JAZF1: variants seen among roughly 807,000 people sequenced by gnomAD.
JAZF1 encodes juxtaposed with another zinc finger protein 1.
A neutral mutation model predicts 26.4 loss-of-function variants in JAZF1; 8 were observed. The ratio of observed to expected loss-of-function variants is 0.30; its 90% CI spans 0.18 to 0.55. The LOEUF is 0.55. JAZF1 is among the 20% of genes least tolerant of loss of function. JAZF1 has a pLI of 0.94. For missense variants in JAZF1, 199 were observed against 322.0 expected (o/e 0.62, Z 2.92); for synonymous variants, 126 against 122.3 (o/e 1.03, Z -0.20).
intron 1 of JAZF1, among the ~76,000 whole-genome samples, chr7:28,057,048 A>G (rs1477335327): frequency 1.3e-5 from 2 of 152,152 alleles, no homozygotes; most frequent in Non-Finnish European, 2.9e-5. Context: ...ATTTCTCCAT[A>G]ATAGAAAGTA....
intron 1 of JAZF1, among the ~76,000 whole-genome samples, chr7:28,128,006 G>A (rs1352396453): frequency 1.3e-5 from 2 of 152,010 alleles, no homozygotes; most frequent in Admixed American, 6.6e-5. Flanking sequence ...GGGTGGGGAC[G>A]CAGCCAAACC....
intron 3 of JAZF1, among the ~76,000 whole-genome samples, chr7:27,855,891 A>G (rs942234581): frequency 3.3e-5 from 5 of 152,122 alleles, no homozygotes; most frequent in African/African-American, 1.2e-4. Flanking sequence ...GATACCAAAA[A>G]CCAGCAGAGA....
chr7:28,000,362 G>A (rs1377525186), intron 1 of JAZF1, among the ~76,000 whole-genome samples: 1 of 152,158 alleles, frequency 6.6e-6, no homozygotes, highest in South Asian at 2.1e-4. Flanking sequence ...ACGCAGAGTA[G>A]CGCCTACAAC....
chr7:27,919,100 A>T (rs1784487163), intron 2 of JAZF1, among the ~76,000 whole-genome samples: 2 of 152,208 alleles, frequency 1.3e-5, no homozygotes, highest in Non-Finnish European at 2.9e-5. Context: ...TAGCACTGAA[A>T]CACAGGTCCT....
In JAZF1 at chr7:27,904,279, G is replaced by T. The variant is rs576569169; in HGVS notation, c.189-8863C>A. Among the ~76,000 whole-genome samples, 202 of 152,330 alleles carry T rather than the reference G, an allele frequency of 1.3e-3. 2 individuals are homozygous for T. The highest frequency in any genetic ancestry group is 0.011 in the South Asian group (54 of 4,816). On this transcript the variant is annotated intron_variant, in intron 2 of 4. Coordinates refer to ENST00000283928, the MANE Select transcript of JAZF1 (RefSeq NM_175061.4). ...TGGCTGCTCTAGGTCTCAATGTAATGATGGCTTTCAGAACGTACATCTGCT... is the reference window on the plus strand; with the variant it reads ...TGGCTGCTCTAGGTCTCAATGTAATTATGGCTTTCAGAACGTACATCTGCT...
intron 2 of JAZF1, among the ~76,000 whole-genome samples, chr7:27,953,549 G>C (rs1785044240): frequency 6.6e-6 from 1 of 152,194 alleles, no homozygotes; most frequent in African/African-American, 2.4e-5. Context: ...AGGTTCTGTG[G>C]TTTGGCTGGG....
chr7:28,150,180 G>A (rs539655517), intron 1 of JAZF1, among the ~76,000 whole-genome samples: 2 of 152,154 alleles, frequency 1.3e-5, no homozygotes, highest in Non-Finnish European at 2.9e-5. Context: ...AAGCTTCGGG[G>A]GGCAGGGTAC....
chr7:27,836,448 G>A (rs1200221114), intron 4 of JAZF1, among the ~76,000 whole-genome samples: 2 of 152,176 alleles, frequency 1.3e-5, no homozygotes, highest in African/African-American at 4.8e-5. Flanking sequence ...TCCAGATGCT[G>A]AGCTGGGCCA....
chr7:27,854,457 A>G (rs1783207612), intron 3 of JAZF1, among the ~76,000 whole-genome samples: 1 of 152,202 alleles, frequency 6.6e-6, no homozygotes, highest in Non-Finnish European at 1.5e-5. Context: ...TAGCTTCTTC[A>G]TAGTATCTAT....
chr7:28,131,298 G>A (rs1782789246), intron 1 of JAZF1, among the ~76,000 whole-genome samples: 1 of 150,402 alleles, frequency 6.6e-6, no homozygotes, highest in Admixed American at 6.6e-5. Context: ...CTTAAAATGA[G>A]TGTTCTCTAT....
intron 1 of JAZF1, among the ~76,000 whole-genome samples, chr7:28,002,326 G>T (rs990880543): frequency 5.9e-5 from 9 of 152,188 alleles, no homozygotes; most frequent in Admixed American, 3.9e-4. Context: ...ATGAAAGACG[G>T]GGGGGAAAAA....
At position 27,832,962 on chromosome 7, in the gene JAZF1, T is replaced by C; in HGVS notation, c.570A>G (p.Ile190Met). ...CKKRYKNVNG[I>M]KYHAKNGHRT... is the part of the protein sequence containing the mutation. ...TGTGACCATTCTTAGCGTGATACTT[T>C]ATGCCATTCACATTCTGTGGAGAAG... The change falls in exon 5 of 5, where the codon ATA (isoleucine) becomes ATG (methionine). Residue 190 changes from isoleucine to methionine, a missense_variant. Transcript: ENST00000283928. 6.3e-7 allele frequency: 1 copy of C among 1,588,226 alleles called. No individual in the cohort carries two copies. Among genetic ancestry groups the C allele is most frequent in the Non-Finnish European group, 8.6e-7 (1 of 1,168,118 alleles).
intron 2 of JAZF1, among the ~76,000 whole-genome samples, chr7:27,947,581 A>AT (rs1433296770): frequency 6.6e-6 from 1 of 152,060 alleles, no homozygotes; most frequent in African/African-American, 2.4e-5. Context: ...ACACTCCTTA[A>AT]TTTTTTCCCC....
rs1782896570 is a variant in JAZF1, at chr7:27,840,245, C to T, written c.555+453G>A. Among the ~76,000 whole-genome samples the T allele has an allele frequency of 6.6e-6, 1 of 152,212 alleles. No individual in the cohort carries two copies. Among genetic ancestry groups the T allele is most frequent in the South Asian group, 2.1e-4 (1 of 4,832 alleles). The stretch of plus-strand genomic sequence containing the variant: ...CCTCAGCTGGAAGCTAAATACCCTC[C>T]ACACTCACCAAATGGCTCTGGGAGC... On this transcript the variant is annotated intron_variant, in intron 4 of 4. Transcript: ENST00000283928. This position sits in a 1 kb window ranked among gnomAD's most constrained non-coding sequence, Gnocchi z 5.1.
At chr7:27,842,510 A>G (rs1000269635) in intron 3 of JAZF1, 1 of 152,058 alleles carries the variant, frequency 6.6e-6, no homozygotes, top group African/African-American at 2.4e-5. Flanking sequence ...TGCAGAAAAA[A>G]CAATCTGGCA....
intron 2 of JAZF1, among the ~76,000 whole-genome samples, chr7:27,945,282 C>A (rs539715652): frequency 6.6e-6 from 1 of 152,192 alleles, no homozygotes; most frequent in African/African-American, 2.4e-5. Flanking sequence ...TGACAGCTAG[C>A]CTGTAAGATG....
chr7:28,011,909 C>G (rs922809831), intron 1 of JAZF1, among the ~76,000 whole-genome samples: 2 of 152,140 alleles, frequency 1.3e-5, no homozygotes, highest in African/African-American at 4.8e-5. Flanking sequence ...AGATGGGTCA[C>G]AGAAGGCAGC....
chr7:27,982,150 G>C (rs1423699962), intron 2 of JAZF1, among the ~76,000 whole-genome samples: 2 of 152,198 alleles, frequency 1.3e-5, no homozygotes, highest in African/African-American at 4.8e-5. Context: ...GCAGGGCGGG[G>C]CATCACCGCA....
In JAZF1 at chr7:27,895,283, G is replaced by C; in HGVS notation, c.322C>G (p.Leu108Val). 1 of 1,609,316 alleles carries C rather than the reference G, an allele frequency of 6.2e-7. No homozygotes were observed. The highest frequency in any genetic ancestry group is 8.5e-7 in the Non-Finnish European group (1 of 1,177,432). The change falls in exon 3 of 5, where the codon CTT (leucine) becomes GTT (valine). Residue 108 changes from leucine to valine, a missense_variant. This residue lies in a region of JAZF1 where 137 missense variants were observed against 184.8 expected (regional missense o/e 0.74). Transcript: ENST00000283928. ...STPPRHSSGS[L>V]TPPVTPPITP... Reference sequence around the variant, plus strand: ...ATGGGTGGGGTCACGGGGGGAGTAAGGCTTCCACTGCTGTGGCGTGGGGGA... The same window carrying C: ...ATGGGTGGGGTCACGGGGGGAGTAACGCTTCCACTGCTGTGGCGTGGGGGA...
Sources: gnomAD v4.1 joint callset for allele counts (sites outside exome capture counted in the v4.1 genomes callset) on GRCh38, gnomAD v4.1.1 for gene constraint, gnomAD v4.1.1 regional missense constraint, Gnocchi (gnomAD v3.1) non-coding constraint, MANE v1.5 for transcripts, NCBI Gene and HGNC (gene_info 2026-07-23, HGNC 2026-07-21) for gene names.